Variants in SEC61A2 observed in about 807,000 individuals in gnomAD.
SEC61A2 encodes SEC61 translocon subunit alpha 2, also known as protein transport protein Sec61 subunit alpha isoform 2.
A neutral mutation model predicts 59.9 loss-of-function variants in SEC61A2; 28 were observed. The observed-to-expected ratio is 0.47, with a 90% CI of 0.35 to 0.64. The LOEUF is 0.64. SEC61A2 is among the 30% of genes least tolerant of loss of function. SEC61A2 has a pLI of 0.01. For synonymous variants in SEC61A2, 202 were observed against 214.4 expected, an observed-to-expected ratio of 0.94 and a Z score of 0.50; for missense variants, 340 against 585.9, an observed-to-expected ratio of 0.58 and a Z score of 4.33.
Position 12,153,769 on chromosome 10 carries a change from C to T in SEC61A2, c.463-2009C>T. 6.2e-7 allele frequency: 1 copy of T among 1,610,834 alleles called. No homozygotes were observed. The highest frequency in any genetic ancestry group is 8.5e-7 in the Non-Finnish European group (1 of 1,179,230). On this transcript the variant is annotated intron_variant, in intron 6 of 11. Coordinates refer to ENST00000298428, the MANE Select transcript of SEC61A2 (RefSeq NM_018144.4). This position sits in a 1 kb window ranked among gnomAD's most constrained non-coding sequence, Gnocchi z 5.2. Reference sequence around the variant, plus strand: ...CTAACATTGAAAATATGTGGATACACTGAAGAGCTATGATTGGATCAGTGT... The same window carrying T: ...CTAACATTGAAAATATGTGGATACATTGAAGAGCTATGATTGGATCAGTGT...
At chr10:12,131,681 C>CTTT (rs1232061239) in intron 1 of SEC61A2, among the ~76,000 whole-genome samples, 3 of 70,738 alleles carry the variant, frequency 4.2e-5, no homozygotes, top group Non-Finnish European at 9.6e-5. Flanking sequence ...AGATTACATA[C>CTTT]CTTTTTTTTT....
In SEC61A2 at chr10:12,142,262, G is replaced by A. The variant is rs1052913829; in HGVS notation, c.142-855G>A. ...GAGCAGAAGTCAACATGGTAGATTA[G>A]CATCCAAGATGGAGTCACTTTGGTC... is the stretch of plus-strand genomic sequence containing the variant. On this transcript the variant is annotated intron_variant, in intron 3 of 11. Transcript: ENST00000298428. This position sits in a 1 kb window ranked among gnomAD's most constrained non-coding sequence, Gnocchi z 5.4. 1.3e-5 allele frequency among the ~76,000 whole-genome samples: 2 copies of A among 152,160 alleles called. No homozygotes were observed. The highest frequency in any genetic ancestry group is 6.6e-5 in the Admixed American group (1 of 15,264).
intron 9 of SEC61A2, among the ~76,000 whole-genome samples, chr10:12,159,761 C>A (rs1030189495): frequency 3.3e-5 from 5 of 151,966 alleles, no homozygotes; most frequent in African/African-American, 7.2e-5. Flanking sequence ...GAATTTGCAC[C>A]CCACCAAAGA....
intron 8 of SEC61A2, 53 bp downstream of exon 8, chr10:12,157,120 C>T (rs1356530790): frequency 1.3e-6 from 2 of 1,540,720 alleles, no homozygotes; most frequent in African/African-American, 2.8e-5. Flanking sequence ...TTATTTTGCT[C>T]TTAAAGAGAA....
chr10:12,157,843 C>T (rs1346117019), intron 8 of SEC61A2, 65 bp from the exon 9 acceptor site: 28 of 1,468,372 alleles, frequency 1.9e-5, no homozygotes, highest in Non-Finnish European at 2.5e-5. Context: ...TGTTTTCCCT[C>T]TCTGGTCTCT....
rs769636773 is a variant in SEC61A2 at position 12,154,420 on chromosome 10, C to T, written c.463-1358C>T. The stretch of plus-strand genomic sequence containing the variant: ...TCTGGAGAGGTCATTTCTCAAGGCC[C>T]ATCACGATGCTTTCTGTGGCTGATG... On this transcript the variant is annotated intron_variant, in intron 6 of 11. Coordinates refer to ENST00000298428, the MANE Select transcript of SEC61A2 (RefSeq NM_018144.4). This position sits in a 1 kb window ranked among gnomAD's most constrained non-coding sequence, Gnocchi z 5.2. 6.6e-6 allele frequency among the ~76,000 whole-genome samples: 1 copy of T among 152,116 alleles called. No individual in the cohort carries two copies. The highest frequency in any genetic ancestry group is 1.5e-5 in the Non-Finnish European group (1 of 68,020).
chr10:12,164,432 G>T lies in SEC61A2; in HGVS notation c.1409G>T (p.Gly470Val). Reference sequence around the variant, plus strand: ...GTTAAAGAACAGGCCGAAGTTGGTGGGATGGGTGCTTTGTTTTTCTAAATG... The same window carrying T: ...GTTAAAGAACAGGCCGAAGTTGGTGTGATGGGTGCTTTGTTTTTCTAAATG... Reference protein sequence around the residue: ...IFVKEQAEVGGMGALFF With the variant: ...IFVKEQAEVGVMGALFF The change falls in exon 12 of 12, where the codon GGG becomes GTG. Residue 470 changes from glycine (G) to valine (V), a missense_variant. Gly to Val is a moderately radical substitution (Grantham distance 109, BLOSUM62 -3). Around this residue, in one of 3 missense-constraint regions of SEC61A2, gnomAD observed 283 missense variants for 483.2 expected, o/e 0.59. Coordinates refer to ENST00000298428, the MANE Select transcript of SEC61A2 (RefSeq NM_018144.4). This position sits in a 1 kb window ranked among gnomAD's most constrained non-coding sequence, Gnocchi z 7.3. 6.2e-7 allele frequency: 1 copy of T among 1,611,834 alleles called. No homozygotes were observed. Among genetic ancestry groups the T allele is most frequent in the East Asian group, 2.2e-5 (1 of 44,672 alleles).
chr10:12,163,377 T>G (rs1204012336), intron 11 of SEC61A2, among the ~76,000 whole-genome samples: 1 of 141,790 alleles, frequency 7.1e-6, no homozygotes, highest in African/African-American at 2.7e-5. Context: ...CAGGCTGGAG[T>G]GCAGTGGCAC....
intron 4 of SEC61A2, among the ~76,000 whole-genome samples, chr10:12,147,214 T>C (rs1278438403): frequency 6.6e-6 from 1 of 152,226 alleles, no homozygotes; most frequent in Non-Finnish European, 1.5e-5. Context: ...TTAACCATTA[T>C]GCTGCCTTTT....
At chr10:12,144,678 A>G (rs1834099599) in intron 4 of SEC61A2, among the ~76,000 whole-genome samples, 1 of 152,118 alleles carries the variant, frequency 6.6e-6, no homozygotes, top group African/African-American at 2.4e-5. Context: ...AGGCCACATG[A>G]AGACCTGAGG....
intron 3 of SEC61A2, among the ~76,000 whole-genome samples, chr10:12,138,240 T>A (rs1320752043): frequency 6.6e-6 from 1 of 152,158 alleles, no homozygotes. Flanking sequence ...TTGTTTTAAA[T>A]TTGTTTTAAA....
chr10:12,147,291 T>A (rs1311107550), intron 4 of SEC61A2, among the ~76,000 whole-genome samples: 1 of 152,214 alleles, frequency 6.6e-6, no homozygotes, highest in African/African-American at 2.4e-5. Flanking sequence ...GCTTCTAGAT[T>A]TTTTGCCATG....
At chr10:12,144,395 T>A (rs180980377) in intron 4 of SEC61A2, among the ~76,000 whole-genome samples, 1 of 152,320 alleles carries the variant, frequency 6.6e-6, no homozygotes, top group Admixed American at 6.5e-5. Context: ...TTCTGCTACT[T>A]TGTTTACTTA....
downstream of SEC61A2, chr10:12,167,384 A>G (rs1834727938): frequency 8.0e-6 from 2 of 251,484 alleles, no homozygotes; most frequent in Admixed American, 1.0e-4. Context: ...CTATTTCTCT[A>G]TACAAATACC....
chr10:12,157,883 A>G, intron 8 of SEC61A2, 25 bp from the exon 9 acceptor site: 3 of 1,609,350 alleles, frequency 1.9e-6, no homozygotes, highest in Non-Finnish European at 2.6e-6. Flanking sequence ...TGGCTCCCCC[A>G]CTTACTCTCC....
chr10:12,143,214 T>C lies in SEC61A2; in HGVS notation c.220+19T>C. On this transcript the variant is annotated intron_variant, in intron 4 of 11. Transcript: ENST00000298428. This position sits in a 1 kb window ranked among gnomAD's most constrained non-coding sequence, Gnocchi z 4.8. The stretch of plus-strand genomic sequence containing the variant: ...AATAGAGGTATGCGTGTCTTTTCTG[T>C]CTCCACACTCCTACTCACAGCAAAC... 1 of 1,524,648 alleles carries C rather than the reference T, an allele frequency of 6.6e-7. No individual in the cohort carries two copies. The allele number at this position is 1,524,648 out of a possible 1,614,324, so 94.4% of individuals were successfully genotyped here.
chr10:12,153,445 C>T lies in SEC61A2; in HGVS notation c.463-2333C>T, dbSNP rs1243610359. 1.3e-5 allele frequency among the ~76,000 whole-genome samples: 2 copies of T among 152,216 alleles called. No homozygotes were observed. Among genetic ancestry groups the T allele is most frequent in the Admixed American group, 6.5e-5 (1 of 15,278 alleles). ...TATTCAGATTCCTAAGGAATCTCCA[C>T]TGAGCGATTCTCAGCCAGCTAGCTA... On this transcript the variant is annotated intron_variant, in intron 6 of 11. Coordinates refer to ENST00000298428, the MANE Select transcript of SEC61A2 (RefSeq NM_018144.4). This position sits in a 1 kb window ranked among gnomAD's most constrained non-coding sequence, Gnocchi z 5.2.
intron 3 of SEC61A2, among the ~76,000 whole-genome samples, chr10:12,139,296 G>A (rs1314982791): frequency 6.6e-6 from 1 of 151,716 alleles, no homozygotes; most frequent in Non-Finnish European, 1.5e-5. Flanking sequence ...CACCAGCCGT[G>A]TTCTGGAGTT....
intron 3 of SEC61A2, among the ~76,000 whole-genome samples, chr10:12,137,519 G>A (rs1833916374): frequency 1.3e-5 from 2 of 151,938 alleles, no homozygotes; most frequent in Non-Finnish European, 2.9e-5. Flanking sequence ...TGCCCAGGCT[G>A]GTCTCGAATT....
Sources: allele counts gnomAD v4.1 joint callset (sites outside exome capture counted in the v4.1 genomes callset), GRCh38; gene constraint gnomAD v4.1.1; regional missense constraint gnomAD v4.1.1; non-coding constraint Gnocchi (gnomAD v3.1); transcripts MANE v1.5; gene names NCBI Gene and HGNC (gene_info 2026-07-23, HGNC 2026-07-21).